The following ASAP1 variants were observed in gnomAD, a reference collection of about 807,000 sequenced individuals.
The protein encoded by ASAP1 is ArfGAP with SH3 domain, ankyrin repeat and PH domain 1.
A neutral mutation model predicts 145.2 loss-of-function variants in ASAP1; 43 were observed. The ratio of observed to expected loss-of-function variants is 0.30; its 90% CI spans 0.23 to 0.38. The LOEUF (loss-of-function observed/expected upper bound fraction) is 0.38, where lower values mean the gene tolerates loss of function less well. Ranked by LOEUF, ASAP1 falls within the 10% of genes least tolerant of loss-of-function variation. The probability of loss-of-function intolerance (pLI) is 1.00; values close to 1 mark genes in which losing one functional copy is unlikely to be tolerated. For synonymous variants in ASAP1, 546 were observed against 515.5 expected (o/e 1.06, Z -0.80); for missense variants, 1,018 against 1,355.3 (o/e 0.75, Z 3.91).
intron 3 of ASAP1, among the ~76,000 whole-genome samples, chr8:130,312,906 T>C (rs1445181740): frequency 6.6e-6 from 1 of 152,168 alleles, no homozygotes; most frequent in Non-Finnish European, 1.5e-5. Context: ...GAGAAAGACA[T>C]CAAATGAAGG....
intron 25 of ASAP1, among the ~76,000 whole-genome samples, chr8:130,089,022 C>T (rs1483576703): frequency 6.6e-6 from 1 of 152,136 alleles, no homozygotes; most frequent in African/African-American, 2.4e-5. Context: ...CTTTGCTCTG[C>T]TGAGAGAAGC....
intron 4 of ASAP1, among the ~76,000 whole-genome samples, chr8:130,222,734 T>C (rs1488883789): frequency 1.3e-5 from 2 of 152,242 alleles, no homozygotes; most frequent in Admixed American, 6.5e-5. Context: ...TGCCAAGAAC[T>C]GTGCTAAGTA....
chr8:130,407,976 C>T (rs937074964), intron 1 of ASAP1, among the ~76,000 whole-genome samples: 11 of 152,204 alleles, frequency 7.2e-5, no homozygotes, highest in Non-Finnish European at 1.2e-4. Context: ...TCTGTGGAAG[C>T]TGTACTTAGA....
intron 25 of ASAP1, among the ~76,000 whole-genome samples, chr8:130,085,862 TCTC>T (rs1419874275): frequency 6.6e-6 from 1 of 152,052 alleles, no homozygotes; most frequent in Non-Finnish European, 1.5e-5. Context: ...GCCTTAGAAG[TCTC>T]CTGAGACAGA....
chr8:130,339,851 T>C, intron 3 of ASAP1, among the ~76,000 whole-genome samples: 1 of 152,168 alleles, frequency 6.6e-6, no homozygotes, highest in Non-Finnish European at 1.5e-5. Context: ...GATTACACTA[T>C]TTCCCTTGAA....
intron 24 of ASAP1, among the ~76,000 whole-genome samples, chr8:130,095,432 C>G (rs1314913025): frequency 1.3e-5 from 2 of 151,408 alleles, no homozygotes; most frequent in Non-Finnish European, 2.9e-5. Flanking sequence ...TCCCAAGTAG[C>G]TGGGACTACA....
intron 3 of ASAP1, among the ~76,000 whole-genome samples, chr8:130,327,016 GC>G (rs1311906805): frequency 4.6e-5 from 7 of 152,304 alleles, no homozygotes; most frequent in African/African-American, 1.7e-4. Flanking sequence ...CTGGATGAAT[GC>G]CCCCAGGAGG....
intron 2 of ASAP1, among the ~76,000 whole-genome samples, chr8:130,373,485 T>C (rs1437829688): frequency 6.6e-5 from 10 of 152,194 alleles, no homozygotes; most frequent in Admixed American, 6.5e-4. Flanking sequence ...AAATTCTAAA[T>C]ACATGGGCCT....
At chr8:130,112,783 C>A (rs2097548912) in intron 23 of ASAP1, among the ~76,000 whole-genome samples, 2 of 152,170 alleles carry the variant, frequency 1.3e-5, no homozygotes, top group African/African-American at 4.8e-5. Context: ...CGGATTCACA[C>A]CCACTGCCCG....
At chr8:130,110,887 A>C (rs2097545568) in intron 24 of ASAP1, among the ~76,000 whole-genome samples, 1 of 152,112 alleles carries the variant, frequency 6.6e-6, no homozygotes, top group Non-Finnish European at 1.5e-5. Flanking sequence ...AAGCCATGAA[A>C]CCTGTGGGAG....
In ASAP1 at chr8:130,391,424, A is replaced by G. The variant is rs145348763; in HGVS notation, c.59+10461T>C. Among the ~76,000 whole-genome samples, 1,028 of 152,380 alleles carry G rather than the reference A, an allele frequency of 6.7e-3. 12 individuals carry two copies. Among genetic ancestry groups the G allele is most frequent in the African/African-American group, 0.024 (997 of 41,584 alleles). ...ACTGAATTGTTCTTAAAAACAGTTA[A>G]CAATAGTAATTTTTATGTTATGCAT... On this transcript the variant is annotated intron_variant, in intron 2 of 29. Coordinates refer to ENST00000518721, the MANE Select transcript of ASAP1 (RefSeq NM_018482.4).
chr8:130,152,856 A>G (rs568479444), intron 12 of ASAP1, 51 bp from the exon 13 acceptor site: 66 of 1,371,970 alleles, frequency 4.8e-5, no homozygotes, highest in Non-Finnish European at 6.5e-5. Context: ...TCACTCTGGG[A>G]CATGCGACGA....
rs76195661 is a variant in ASAP1, at chr8:130,223,814, C to T, written c.260-9113G>A. ...CTCTTCCAAGGTCTTTATGCAAGTT[C>T]TCCTTCTGTGTCAAGAGTCCAGAGG... On this transcript the variant is annotated intron_variant, in intron 4 of 29. Coordinates refer to ENST00000518721, the MANE Select transcript of ASAP1 (RefSeq NM_018482.4). Among the ~76,000 whole-genome samples, 304 of 152,216 alleles carry T rather than the reference C, an allele frequency of 2.0e-3. 5 individuals carry two copies. In the East Asian group the frequency reaches 0.036, roughly 18 times the overall value.
intron 24 of ASAP1, among the ~76,000 whole-genome samples, chr8:130,100,810 T>G (rs1404689925): frequency 6.6e-6 from 1 of 152,228 alleles, no homozygotes; most frequent in Non-Finnish European, 1.5e-5. Context: ...CTCTGATTGT[T>G]TCTTTTGCTG....
intron 2 of ASAP1, among the ~76,000 whole-genome samples, chr8:130,359,113 G>A (rs1369871393): frequency 6.6e-6 from 1 of 152,206 alleles, no homozygotes; most frequent in Non-Finnish European, 1.5e-5. Context: ...TTACAGGCTG[G>A]TTTTGTGCAG....
At chr8:130,313,683 T>C (rs190674115) in intron 3 of ASAP1, among the ~76,000 whole-genome samples, 1 of 152,326 alleles carries the variant, frequency 6.6e-6, no homozygotes, top group Admixed American at 6.5e-5. Context: ...TTAAATTAAC[T>C]TCACTGCCTA....
intron 5 of ASAP1, among the ~76,000 whole-genome samples, chr8:130,199,364 C>G (rs1477961405): frequency 3.3e-5 from 5 of 152,162 alleles, no homozygotes; most frequent in African/African-American, 1.2e-4. Context: ...TCTGAAACAT[C>G]AAGTGTTATA....
At chr8:130,277,716 A>C (rs1820997929) in intron 3 of ASAP1, among the ~76,000 whole-genome samples, 1 of 152,234 alleles carries the variant, frequency 6.6e-6, no homozygotes, top group Non-Finnish European at 1.5e-5. Context: ...AGCAGCCATT[A>C]GCTCCAATTG....
chr8:130,435,278 A>G (rs1389404971), intron 1 of ASAP1, among the ~76,000 whole-genome samples: 1 of 152,192 alleles, frequency 6.6e-6, no homozygotes, highest in Non-Finnish European at 1.5e-5. Flanking sequence ...ATTCAGTGAT[A>G]TTCTTCAGCA....
Sources: gnomAD v4.1 joint callset for allele counts (sites outside exome capture counted in the v4.1 genomes callset) on GRCh38, gnomAD v4.1.1 for gene constraint, MANE v1.5 for transcripts, NCBI Gene and HGNC (gene_info 2026-07-23, HGNC 2026-07-21) for gene names.